The following NPNT variants were observed in gnomAD, a reference collection of about 807,000 sequenced individuals.
NPNT encodes the protein preosteoblast EGF-like repeat protein with MAM domain.
A neutral mutation model predicts 68.6 loss-of-function variants in NPNT; 45 were observed. The observed-to-expected ratio is 0.66, with a 90% confidence interval of 0.52 to 0.84. The LOEUF (loss-of-function observed/expected upper bound fraction) is 0.84, where lower values mean the gene tolerates loss of function less well. NPNT is among the 40% of genes least tolerant of loss of function. The pLI is 0.00. For synonymous variants in NPNT, 233 were observed against 253.3 expected, an observed-to-expected ratio of 0.92 and a Z score of 0.76; for missense variants, 672 against 714.8, an observed-to-expected ratio of 0.94 and a Z score of 0.68.
intron 2 of NPNT, among the ~76,000 whole-genome samples, chr4:105,922,541 C>T (rs1357199868): frequency 6.6e-6 from 1 of 151,772 alleles, no homozygotes; most frequent in African/African-American, 2.4e-5. Context: ...CCCACCACCA[C>T]ACCTGGCTAG....
chr4:105,898,357 TCTCTCTCTC>T (rs1726109318), intron 2 of NPNT, among the ~76,000 whole-genome samples: 1 of 141,812 alleles, frequency 7.1e-6, no homozygotes. Context: ...TCTCTCTCTC[TCTCTCTCTC>T]TCTCTCTCTC....
intron 8 of NPNT, among the ~76,000 whole-genome samples, chr4:105,958,196 T>C (rs1258474918): frequency 1.3e-5 from 2 of 152,224 alleles, no homozygotes; most frequent in Admixed American, 1.3e-4. Flanking sequence ...TATTAAAATG[T>C]ATTTTCCAGA....
intron 2 of NPNT, among the ~76,000 whole-genome samples, chr4:105,923,380 T>C (rs1204543065): frequency 6.6e-6 from 1 of 152,206 alleles, no homozygotes; most frequent in Non-Finnish European, 1.5e-5. Context: ...ATGAGTTTTA[T>C]TTCTGTACTA....
intron 8 of NPNT, among the ~76,000 whole-genome samples, chr4:105,955,183 A>AAT (rs964446071): frequency 4.6e-5 from 7 of 152,102 alleles, no homozygotes; most frequent in Non-Finnish European, 1.0e-4. Context: ...GTTTTTATGA[A>AAT]ATATATATAT....
At chr4:105,965,902 G>C (rs1732090226) in intron 10 of NPNT, among the ~76,000 whole-genome samples, 1 of 152,142 alleles carries the variant, frequency 6.6e-6, no homozygotes, top group Non-Finnish European at 1.5e-5. Context: ...GGGAAACTTT[G>C]GTTCAGACTT....
intron 8 of NPNT, among the ~76,000 whole-genome samples, chr4:105,952,407 C>T (rs1280302131): frequency 6.6e-6 from 1 of 152,142 alleles, no homozygotes; most frequent in African/African-American, 2.4e-5. Context: ...AAAATAGAGA[C>T]CACATCATCT....
At chr4:105,947,818 C>G (rs1730506225) in intron 8 of NPNT, among the ~76,000 whole-genome samples, 2 of 152,224 alleles carry the variant, frequency 1.3e-5, no homozygotes, top group African/African-American at 4.8e-5. Context: ...ATATAATAGT[C>G]AAATCTGACC....
In NPNT at chr4:105,940,544, A is replaced by G. The variant is rs1478312461; in HGVS notation, c.671A>G (p.Gln224Arg). 1.9e-6 allele frequency: 3 copies of G among 1,613,180 alleles called. No homozygotes were observed. Among genetic ancestry groups the G allele is most frequent in the East Asian group, 2.2e-5 (1 of 44,862 alleles). The stretch of plus-strand genomic sequence containing the variant: ...GACGAATGCTCACTTGGTCAGTATC[A>G]GTGCAGCAGCTTTGCTCGATGTTAT... ...DIDECSLGQY[Q>R]CSSFARCYNI... The change falls in exon 7 of 12, where the codon CAG becomes CGG. Residue 224 changes from glutamine (Q) to arginine (R), a missense_variant. Physicochemically the swap from Gln to Arg is conservative, Grantham distance 43. Coordinates refer to ENST00000379987, the MANE Select transcript of NPNT (RefSeq NM_001033047.3).
intron 10 of NPNT, among the ~76,000 whole-genome samples, chr4:105,963,191 C>T (rs967142462): frequency 6.6e-6 from 1 of 152,070 alleles, no homozygotes; most frequent in Non-Finnish European, 1.5e-5. Flanking sequence ...CGCCACTGTA[C>T]TCCAGCCTAG....
chr4:105,953,578 C>T (rs1448503155), intron 8 of NPNT, among the ~76,000 whole-genome samples: 1 of 152,096 alleles, frequency 6.6e-6, no homozygotes, highest in Non-Finnish European at 1.5e-5. Context: ...TGCATATGTC[C>T]TGCATCTGTA....
At chr4:105,955,807 G>A (rs1054038361) in intron 8 of NPNT, among the ~76,000 whole-genome samples, 2 of 120,188 alleles carry the variant, frequency 1.7e-5, no homozygotes, top group African/African-American at 3.9e-5. Flanking sequence ...AAAGTGTATC[G>A]GGGGTGGGTA....
At chr4:105,915,869 C>T (rs1024711657) in intron 2 of NPNT, among the ~76,000 whole-genome samples, 1 of 152,130 alleles carries the variant, frequency 6.6e-6, no homozygotes, top group African/African-American at 2.4e-5. Flanking sequence ...CCTTCGTCAA[C>T]TTCAGTCAAC....
At chr4:105,915,133 C>A (rs1727697889) in intron 2 of NPNT, among the ~76,000 whole-genome samples, 1 of 152,144 alleles carries the variant, frequency 6.6e-6, no homozygotes, top group Non-Finnish European at 1.5e-5. Context: ...ATCGGTAGGT[C>A]TGCATTGCTG....
rs548090142 is a variant in NPNT at position 105,928,130 on chromosome 4, T to C, written c.265+702T>C. 1.1e-4 allele frequency among the ~76,000 whole-genome samples: 17 copies of C among 152,318 alleles called. No homozygotes were observed. The South Asian group carries it at 3.5e-3, about 32-fold the overall frequency. On this transcript the variant is annotated intron_variant, in intron 3 of 11. Coordinates refer to ENST00000379987, the MANE Select transcript of NPNT (RefSeq NM_001033047.3). ...TTGGAGAGACAGAGGCATAGGAATA[T>C]TAAGTGTCTTGCTCAGGTTCACAGA...
chr4:105,946,645 GGGGGTACAAGAACA>G (rs1164931921), intron 8 of NPNT, among the ~76,000 whole-genome samples: 4 of 152,110 alleles, frequency 2.6e-5, no homozygotes, highest in Non-Finnish European at 4.4e-5. Flanking sequence ...CAAAAGGGTA[GGGGGTACAAGAACA>G]GGGAGTGGGT....
At chr4:105,965,360 CAAA>C (rs367576063) in intron 10 of NPNT, among the ~76,000 whole-genome samples, 1 of 71,758 alleles carries the variant, frequency 1.4e-5, no homozygotes. Flanking sequence ...TCTTCATGGC[CAAA>C]AAAAAAAAAA....
intron 2 of NPNT, among the ~76,000 whole-genome samples, chr4:105,898,324 CTCTGTCTCT>C (rs1726080354): frequency 8.3e-6 from 1 of 121,026 alleles, no homozygotes; most frequent in South Asian, 2.4e-4. Flanking sequence ...CTCTCTCTCT[CTCTGTCTCT>C]CTCTCTCTCT....
intron 8 of NPNT, among the ~76,000 whole-genome samples, chr4:105,955,031 TAGA>T (rs913988454): frequency 6.6e-6 from 1 of 152,180 alleles, no homozygotes; most frequent in Non-Finnish European, 1.5e-5. Context: ...GTGGATGGAG[TAGA>T]AGGAGGCAGG....
chr4:105,925,291 T>G (rs932355428), intron 2 of NPNT, among the ~76,000 whole-genome samples: 2 of 152,150 alleles, frequency 1.3e-5, no homozygotes, highest in East Asian at 3.9e-4. Flanking sequence ...TCATTTACAC[T>G]CTGCTTGTGT....
Sources: allele counts gnomAD v4.1 joint callset (sites outside exome capture counted in the v4.1 genomes callset), GRCh38; gene constraint gnomAD v4.1.1; transcripts MANE v1.5; gene names NCBI Gene and HGNC (gene_info 2026-07-23, HGNC 2026-07-21).